The following GAPVD1 variants were observed in gnomAD, a reference collection of about 807,000 sequenced individuals.
The protein encoded by GAPVD1 is GTPase-activating protein and VPS9 domain-containing protein 1.
Under a neutral mutation model 155.5 loss-of-function variants are expected in GAPVD1, and 35 were observed. The ratio of observed to expected loss-of-function variants is 0.23; its 90% CI spans 0.17 to 0.30. The LOEUF is 0.30. Among genes scored for constraint, GAPVD1 ranks in the 10% least tolerant of loss-of-function variants. The pLI, the probability that GAPVD1 is intolerant of heterozygous loss-of-function variation, is 1.00. For synonymous variants in GAPVD1, 636 were observed against 619.7 expected (o/e 1.03, Z -0.39); for missense variants, 1,429 against 1,775.7 (o/e 0.80, Z 3.51).
rs1838032116 is a variant in GAPVD1 at position 125,288,234 on chromosome 9, C to A, written c.-149-7224C>A. Among the ~76,000 whole-genome samples the A allele has an allele frequency of 2.6e-5, 4 of 151,914 alleles. No individual in the cohort carries two copies. The South Asian group carries it at 8.3e-4, about 32-fold the overall frequency. ...TCAAGCGATTCTCCTGCCTCAGCCT[C>A]CTGAGTAACTGGATTTATAGGCGCG... On this transcript the variant is annotated intron_variant, in intron 2 of 27. Coordinates refer to ENST00000297933, the MANE Select transcript of GAPVD1 (RefSeq NM_001282680.3).
intron 2 of GAPVD1, among the ~76,000 whole-genome samples, chr9:125,275,849 A>G (rs1237503905): frequency 1.3e-5 from 2 of 152,248 alleles, no homozygotes; most frequent in East Asian, 3.8e-4. Context: ...TTTGAATTGG[A>G]ATAGTCATGG....
rs1338467936 is a variant in GAPVD1 at position 125,269,920 on chromosome 9, T to TG, written c.-150+937dup. ...TTTTAGTAGAGACGGGGTTTTACCATGTTGGCCAGGCTGGTCTTGAACTCC... is the reference window on the plus strand; with the variant it reads ...TTTTAGTAGAGACGGGGTTTTACCATGGTTGGCCAGGCTGGTCTTGAACTCC... On this transcript the variant is annotated intron_variant, in intron 2 of 27. Coordinates refer to ENST00000297933, the MANE Select transcript of GAPVD1 (RefSeq NM_001282680.3). Among the ~76,000 whole-genome samples, 5 of 151,768 alleles carry TG rather than the reference T, an allele frequency of 3.3e-5. No individual in the cohort carries two copies. The East Asian group carries it at 9.8e-4, about 30-fold the overall frequency.
At chr9:125,317,317 CAA>C (rs942834340) in intron 9 of GAPVD1, among the ~76,000 whole-genome samples, 12 of 115,988 alleles carry the variant, frequency 1.0e-4, no homozygotes, top group Admixed American at 9.3e-5. Context: ...GACTCTGTCT[CAA>C]AAAAAAAAAA....
At chr9:125,352,575 C>A (rs187589130) in intron 23 of GAPVD1, among the ~76,000 whole-genome samples, 1 of 152,196 alleles carries the variant, frequency 6.6e-6, no homozygotes, top group African/African-American at 2.4e-5. Context: ...TGGGCCTGGC[C>A]CATGAAACCA....
At chr9:125,299,275 A>G (rs1840382189) in intron 4 of GAPVD1, among the ~76,000 whole-genome samples, 169 bp downstream of exon 4, 1 of 152,262 alleles carries the variant, frequency 6.6e-6, no homozygotes, top group African/African-American at 2.4e-5. Context: ...TTGGATTATT[A>G]AGTAACTTAG....
chr9:125,361,314 T>C (rs1317601123), intron 27 of GAPVD1, among the ~76,000 whole-genome samples: 9 of 151,790 alleles, frequency 5.9e-5, no homozygotes, highest in Admixed American at 5.9e-4. Flanking sequence ...CCGAGGAGGG[T>C]GGATCACGAG....
chr9:125,336,830 G>A, intron 15 of GAPVD1, 188 bp from the exon 16 acceptor site: 2 of 576,962 alleles, frequency 3.5e-6, no homozygotes, highest in Non-Finnish European at 6.1e-6. Context: ...ATCTGTGTAT[G>A]AAGATACTCA....
At chr9:125,266,610 G>A (rs1255081086) in intron 1 of GAPVD1, among the ~76,000 whole-genome samples, 2 of 152,140 alleles carry the variant, frequency 1.3e-5, no homozygotes, top group African/African-American at 2.4e-5. Flanking sequence ...ACCGCGCGCA[G>A]CCCGTTATCT....
Position 125,362,600 on chromosome 9 carries a change from C to A in GAPVD1, c.4243-6C>A. ...ATTGATTCTTTTTTATTTTTCACTT[C>A]TCTAGGCAAATCCACCCTGTTTGCT... is the stretch of plus-strand genomic sequence containing the variant. On this transcript the variant is annotated splice_polypyrimidine_tract_variant and splice_region_variant and intron_variant, in intron 27 of 27. Coordinates refer to ENST00000297933, the MANE Select transcript of GAPVD1 (RefSeq NM_001282680.3). The A allele has an allele frequency of 6.3e-7, 1 of 1,589,586 alleles. No homozygotes were observed. Among genetic ancestry groups the A allele is most frequent in the Non-Finnish European group, 8.6e-7 (1 of 1,168,982 alleles).
intron 2 of GAPVD1, among the ~76,000 whole-genome samples, chr9:125,279,503 G>A (rs961147067): frequency 2.7e-5 from 4 of 149,636 alleles, no homozygotes; most frequent in Admixed American, 1.3e-4. Flanking sequence ...CCCAGGAGGC[G>A]GAGGTTGCAG....
In GAPVD1 at chr9:125,298,897, C is replaced by T; in HGVS notation, c.-25C>T. 1.3e-6 allele frequency: 2 copies of T among 1,489,834 alleles called. No individual in the cohort carries two copies. The highest frequency in any genetic ancestry group is 1.8e-6 in the Non-Finnish European group (2 of 1,084,634). 92.3% of individuals were successfully genotyped at this position (1,489,834 alleles called of 1,614,324 possible). ...TTATCTTTTTACTCTTAGTGATCAGCCTTTGAGCCTTTCCCACATTGAAGA... is the reference window on the plus strand; with the variant it reads ...TTATCTTTTTACTCTTAGTGATCAGTCTTTGAGCCTTTCCCACATTGAAGA... On this transcript the variant is annotated 5_prime_UTR_variant, in exon 4 of 28. Transcript: ENST00000297933.
chr9:125,351,440 C>T (rs116898018), intron 23 of GAPVD1, among the ~76,000 whole-genome samples: 12,611 of 152,260 alleles, frequency 0.083, 701 homozygotes, highest in East Asian at 0.16. Context: ...CTCATTTTAG[C>T]ATTAACTCAA....
Position 125,315,387 on chromosome 9 carries a change from A to G in GAPVD1, c.1602+2775A>G, listed in dbSNP as rs183990698. ...AAGAAAAAGACTGCTGAATTTTGTT[A>G]AGAGAGCTCTGTGATCCTACCCTGT... On this transcript the variant is annotated intron_variant, in intron 9 of 27. Transcript: ENST00000297933. Among the ~76,000 whole-genome samples, 6 of 152,346 alleles carry G rather than the reference A, an allele frequency of 3.9e-5. No homozygotes were observed. In the East Asian group the frequency reaches 1.2e-3, roughly 29 times the overall value.
intron 6 of GAPVD1, among the ~76,000 whole-genome samples, chr9:125,306,177 T>C (rs1841765051): frequency 6.6e-6 from 1 of 152,010 alleles, no homozygotes; most frequent in Non-Finnish European, 1.5e-5. Context: ...AGAGTTTCCT[T>C]CTTGTCACAG....
At chr9:125,294,796 G>A (rs950297526) in intron 2 of GAPVD1, among the ~76,000 whole-genome samples, 2 of 151,864 alleles carry the variant, frequency 1.3e-5, no homozygotes, top group Non-Finnish European at 2.9e-5. Flanking sequence ...AAGAGATAAG[G>A]GCTGGAGACA....
chr9:125,316,179 T>C (rs1023454712), intron 9 of GAPVD1, among the ~76,000 whole-genome samples: 1 of 152,226 alleles, frequency 6.6e-6, no homozygotes, highest in Non-Finnish European at 1.5e-5. Context: ...ATTGCCACTT[T>C]GTAACATTTA....
chr9:125,350,815 G>C lies in GAPVD1; in HGVS notation c.3512G>C (p.Cys1171Ser). The change falls in exon 23 of 28, where the codon TGC (cysteine) becomes TCC (serine). Residue 1171 changes from cysteine to serine, a missense_variant. By Grantham distance (112) the Cys-to-Ser change is moderately radical (BLOSUM62 -1). Coordinates refer to ENST00000297933, the MANE Select transcript of GAPVD1 (RefSeq NM_001282680.3). ...AQLQETMRCV[C>S]RFDNRTCRKL... ...CTTCAAGAAACAATGCGCTGTGTGT[G>C]CCGTTTTGATAATAGGACTTGTAGG... 1 of 1,613,564 alleles carries C rather than the reference G, an allele frequency of 6.2e-7. No individual in the cohort carries two copies. Among genetic ancestry groups the C allele is most frequent in the Middle Eastern group, 1.7e-4 (1 of 6,060 alleles).
At chr9:125,281,614 A>G (rs1330876638) in intron 2 of GAPVD1, among the ~76,000 whole-genome samples, 1 of 152,208 alleles carries the variant, frequency 6.6e-6, no homozygotes, top group South Asian at 2.1e-4. Flanking sequence ...ATATTGATAC[A>G]TTATCATTAA....
intron 2 of GAPVD1, among the ~76,000 whole-genome samples, chr9:125,276,465 G>T (rs1835807179): frequency 6.6e-6 from 1 of 152,112 alleles, no homozygotes; most frequent in South Asian, 2.1e-4. Flanking sequence ...TACACAGGCG[G>T]ATCACTTGAG....
Sources: gnomAD v4.1 joint callset for allele counts (sites outside exome capture counted in the v4.1 genomes callset) on GRCh38, gnomAD v4.1.1 for gene constraint, MANE v1.5 for transcripts, NCBI Gene and HGNC (gene_info 2026-07-23, HGNC 2026-07-21) for gene names.